PTPRD: variants seen among roughly 807,000 people sequenced by gnomAD.
PTPRD encodes receptor-type tyrosine-protein phosphatase delta.
In PTPRD, 34 loss-of-function variants were observed where a neutral mutation model predicts 214.5. The observed-to-expected ratio is 0.16, with a 90% confidence interval of 0.12 to 0.21. The LOEUF (loss-of-function observed/expected upper bound fraction) is 0.21. Among genes scored for constraint, PTPRD ranks in the 10% least tolerant of loss-of-function variants. The pLI is 1.00. For synonymous variants in PTPRD, 1,128 were observed against 845.7 expected (o/e 1.33, Z -5.79); for missense variants, 2,545 against 2,398.7 (o/e 1.06, Z -1.27).
intron 3 of PTPRD, among the ~76,000 whole-genome samples, chr9:10,248,257 G>A (rs1399563371): frequency 2.0e-5 from 3 of 152,030 alleles, no homozygotes; most frequent in African/African-American, 7.2e-5. Context: ...CTCAGTCAAC[G>A]TTTTTTGGGG....
intron 4 of PTPRD, among the ~76,000 whole-genome samples, chr9:9,964,498 G>A (rs369691551): frequency 4.1e-4 from 63 of 152,188 alleles, no homozygotes; most frequent in African/African-American, 1.4e-3. Flanking sequence ...AGTTTCCTTC[G>A]CAGGAAAAAA....
chr9:8,534,736 G>A (rs1182358715), intron 14 of PTPRD, among the ~76,000 whole-genome samples: 3 of 151,860 alleles, frequency 2.0e-5, no homozygotes, highest in South Asian at 2.1e-4. Context: ...CTATGCAGCA[G>A]AAAGTCAGTG....
chr9:9,227,218 C>A (rs1342861604), intron 9 of PTPRD, among the ~76,000 whole-genome samples: 1 of 152,086 alleles, frequency 6.6e-6, no homozygotes, highest in Non-Finnish European at 1.5e-5. Context: ...ACTGGTGAAG[C>A]CCTTGAGTAA....
At chr9:8,968,068 T>C (rs2099210613) in intron 11 of PTPRD, among the ~76,000 whole-genome samples, 1 of 152,070 alleles carries the variant, frequency 6.6e-6, no homozygotes, top group African/African-American at 2.4e-5. Context: ...TCCATGTCCC[T>C]ACAAAGGACA....
chr9:8,374,998 T>C (rs953549345), intron 39 of PTPRD, among the ~76,000 whole-genome samples: 1 of 151,952 alleles, frequency 6.6e-6, no homozygotes, highest in Non-Finnish European at 1.5e-5. Flanking sequence ...TAAGTCACGA[T>C]AGAAGTGATT....
chr9:9,463,639 A>AT (rs1026259657), intron 8 of PTPRD, among the ~76,000 whole-genome samples: 23 of 151,990 alleles, frequency 1.5e-4, no homozygotes, highest in Non-Finnish European at 2.8e-4. Context: ...TTTTATTTTT[A>AT]TTTTTTTTAA....
intron 9 of PTPRD, among the ~76,000 whole-genome samples, chr9:9,354,285 T>C (rs145584112): frequency 4.1e-4 from 62 of 151,952 alleles, no homozygotes; most frequent in Middle Eastern, 3.4e-3. Context: ...TATGGGTATA[T>C]GAATCCTGGG....
intron 9 of PTPRD, among the ~76,000 whole-genome samples, chr9:9,353,773 C>T (rs1323816348): frequency 1.3e-5 from 2 of 151,714 alleles, no homozygotes; most frequent in Non-Finnish European, 2.9e-5. Context: ...TGGTAGATTA[C>T]CACAAAGTTG....
rs549666963 is a variant in PTPRD, at chr9:8,526,730, T to C, written c.551-86A>G. ...GGAGGCTAGGGCTGGGGAGAAGAAT[T>C]AAATTAGATTTACAGAATTAAATAA... On this transcript the variant is annotated intron_variant, in intron 16 of 45. Coordinates refer to ENST00000381196, the MANE Select transcript of PTPRD (RefSeq NM_002839.4). 2.6e-4 allele frequency: 283 copies of C among 1,083,748 alleles called. 2 individuals are homozygous for C. The South Asian group carries it at 3.6e-3, about 14-fold the overall frequency. The allele number at this position is 1,083,748 out of a possible 1,614,324, so 67.1% of individuals were successfully genotyped here. A position where few individuals can be genotyped will look rare whatever the true frequency, so the allele number is the denominator to read the frequency against.
At chr9:8,522,642 T>C (rs1360022867) in intron 19 of PTPRD, among the ~76,000 whole-genome samples, 2 of 152,088 alleles carry the variant, frequency 1.3e-5, no homozygotes, top group Non-Finnish European at 2.9e-5. Context: ...TACCAAGCAA[T>C]TTCAGTTCAG....
chr9:10,486,995 T>G (rs941721439), intron 2 of PTPRD, among the ~76,000 whole-genome samples: 4 of 152,222 alleles, frequency 2.6e-5, no homozygotes, highest in African/African-American at 7.2e-5. Flanking sequence ...CAGTGTTGGA[T>G]GCATACATAC....
intron 11 of PTPRD, among the ~76,000 whole-genome samples, chr9:8,842,563 G>C (rs2097579479): frequency 6.6e-6 from 1 of 152,060 alleles, no homozygotes; most frequent in Admixed American, 6.6e-5. Flanking sequence ...CCTAGTGGTA[G>C]GGAGACTGTG....
At chr9:10,050,208 G>A (rs1330040851) in intron 3 of PTPRD, among the ~76,000 whole-genome samples, 2 of 151,892 alleles carry the variant, frequency 1.3e-5, no homozygotes, top group Non-Finnish European at 2.9e-5. Flanking sequence ...TTATGTTTCA[G>A]GGGCAGTAGG....
chr9:8,937,734 TA>T (rs1300316800), intron 11 of PTPRD, among the ~76,000 whole-genome samples: 6 of 152,326 alleles, frequency 3.9e-5, no homozygotes, highest in African/African-American at 1.2e-4. Context: ...AGCTTACAAT[TA>T]AACAACTGTG....
intron 17 of PTPRD, among the ~76,000 whole-genome samples, chr9:8,525,464 A>G (rs538281061): frequency 6.6e-6 from 1 of 152,316 alleles, no homozygotes; most frequent in East Asian, 1.9e-4. Context: ...CTGGGTTTTC[A>G]AGAAAGTCTT....
At chr9:8,983,651 T>C (rs2099325274) in intron 11 of PTPRD, among the ~76,000 whole-genome samples, 1 of 151,662 alleles carries the variant, frequency 6.6e-6, no homozygotes, top group South Asian at 2.1e-4. Flanking sequence ...TAGGACTGCA[T>C]GTGTGCTCCA....
chr9:10,432,583 C>T (rs1235113449), intron 2 of PTPRD, among the ~76,000 whole-genome samples: 1 of 151,950 alleles, frequency 6.6e-6, no homozygotes, highest in Non-Finnish European at 1.5e-5. Context: ...TCTCTCAATC[C>T]TCACGACTTC....
chr9:8,783,027 T>C (rs1353971981), intron 11 of PTPRD, among the ~76,000 whole-genome samples: 1 of 152,188 alleles, frequency 6.6e-6, no homozygotes, highest in Non-Finnish European at 1.5e-5. Flanking sequence ...AACTAAATCT[T>C]ACCCATTCCT....
At chr9:9,475,332 A>G (rs1424436372) in intron 8 of PTPRD, among the ~76,000 whole-genome samples, 1 of 152,188 alleles carries the variant, frequency 6.6e-6, no homozygotes, top group Non-Finnish European at 1.5e-5. Flanking sequence ...AAAAGGGATA[A>G]CCATAAACAA....
Sources: gnomAD v4.1 joint callset for allele counts (sites outside exome capture counted in the v4.1 genomes callset) on GRCh38, gnomAD v4.1.1 for gene constraint, MANE v1.5 for transcripts, NCBI Gene and HGNC (gene_info 2026-07-23, HGNC 2026-07-21) for gene names.